The following ROBO1 variants were observed in gnomAD, a reference collection of about 807,000 sequenced individuals.
The protein encoded by ROBO1 is roundabout guidance receptor 1.
Under a neutral mutation model 195.9 loss-of-function variants are expected in ROBO1, and 149 were observed. The ratio of observed to expected loss-of-function variants is 0.76; its 90% confidence interval spans 0.67 to 0.87. The LOEUF is 0.87. Among genes scored for constraint, ROBO1 ranks in the 40% least tolerant of loss-of-function variants. ROBO1 has a pLI of 0.00. For missense variants in ROBO1, 1,933 were observed against 2,068.3 expected (o/e 0.93, Z 1.27); for synonymous variants, 816 against 733.2 (o/e 1.11, Z -1.82).
chr3:79,405,664 G>T (rs935779691), intron 2 of ROBO1, among the ~76,000 whole-genome samples: 1 of 152,052 alleles, frequency 6.6e-6, no homozygotes, highest in South Asian at 2.1e-4. Context: ...GATAAAAAAG[G>T]GATGAGAAAT....
chr3:78,813,907 G>A (rs17016541), intron 4 of ROBO1, among the ~76,000 whole-genome samples: 3,031 of 152,090 alleles, frequency 0.02, 100 homozygotes, highest in African/African-American at 0.067. Flanking sequence ...ATCTTGTCCT[G>A]TGAGAGTGGA....
intron 27 of ROBO1, 77 bp downstream of exon 27, chr3:78,617,558 T>G: frequency 7.0e-7 from 1 of 1,425,844 alleles, no homozygotes; most frequent in Non-Finnish European, 9.5e-7. Context: ...GGACGTAAGA[T>G]CATAGGACAG....
chr3:78,945,227 T>C (rs2040362470), intron 3 of ROBO1, among the ~76,000 whole-genome samples: 2 of 152,164 alleles, frequency 1.3e-5, no homozygotes, highest in Admixed American at 1.3e-4. Flanking sequence ...CCTCCTCAAG[T>C]GGGTCCCTGA....
chr3:79,649,430 C>T (rs529442294), intron 1 of ROBO1, among the ~76,000 whole-genome samples: 1 of 152,044 alleles, frequency 6.6e-6, no homozygotes, highest in South Asian at 2.1e-4. Context: ...CATTTATAGA[C>T]TACATTTTCT....
In ROBO1 at chr3:78,945,976, A is replaced by T. The variant is rs567008113; in HGVS notation, c.173-7049T>A. Among the ~76,000 whole-genome samples the T allele has an allele frequency of 1.5e-3, 230 of 152,204 alleles. 2 individuals are homozygous for T. Among genetic ancestry groups the T allele is most frequent in the Middle Eastern group, 3.4e-3 (1 of 294 alleles). ...AGAAGAGAAGTTTAGAGAAAAAAAA[A>T]AAATAAAAAGAAATCAACAAAGCCT... is the stretch of plus-strand genomic sequence containing the variant. On this transcript the variant is annotated intron_variant, in intron 3 of 30. Coordinates refer to ENST00000464233, the MANE Select transcript of ROBO1 (RefSeq NM_002941.4).
chr3:79,176,888 T>C (rs535757321), intron 2 of ROBO1, among the ~76,000 whole-genome samples: 5 of 152,332 alleles, frequency 3.3e-5, no homozygotes, highest in Admixed American at 2.0e-4. Context: ...TTATTAAATG[T>C]AAACCTCATA....
chr3:79,255,052 A>G (rs1467473464), intron 2 of ROBO1, among the ~76,000 whole-genome samples: 1 of 152,202 alleles, frequency 6.6e-6, no homozygotes, highest in African/African-American at 2.4e-5. Flanking sequence ...AGTCTTCCGC[A>G]TTTGCTGGGT....
chr3:78,677,901 C>T (rs1708539011), intron 10 of ROBO1, among the ~76,000 whole-genome samples: 1 of 151,540 alleles, frequency 6.6e-6, no homozygotes, highest in African/African-American at 2.4e-5. Flanking sequence ...ACACCTATTC[C>T]AAAATTGACC....
intron 3 of ROBO1, among the ~76,000 whole-genome samples, chr3:78,973,005 G>A (rs1329620262): frequency 6.6e-6 from 1 of 152,134 alleles, no homozygotes; most frequent in Admixed American, 6.5e-5. Flanking sequence ...AAGAAGCAGA[G>A]AAAAGAGAAC....
intron 4 of ROBO1, among the ~76,000 whole-genome samples, chr3:78,792,832 G>T (rs1218806171): frequency 6.6e-6 from 1 of 152,044 alleles, no homozygotes; most frequent in East Asian, 1.9e-4. Context: ...AGACACAGTG[G>T]CTCATGCCTG....
At position 78,668,043 on chromosome 3, in the gene ROBO1, T is replaced by A. The variant is rs749896338; in HGVS notation, c.1806A>T (p.Ala602=). 3 of 1,613,594 alleles carry A rather than the reference T, an allele frequency of 1.9e-6. No individual in the cohort carries two copies. Among genetic ancestry groups the A allele is most frequent in the Non-Finnish European group, 2.5e-6 (3 of 1,179,678 alleles). ...TSYIIEAFSH[A]SGSSWQTVAE... ...CTACGGTCTGCCAGCTGCTACCAGA[T>A]GCATGGCTAAGGATAGACACACAGG... Residue 602 remains alanine, a synonymous_variant, in exon 14 of 31, where the codon GCA becomes GCT. Coordinates refer to ENST00000464233, the MANE Select transcript of ROBO1 (RefSeq NM_002941.4).
chr3:79,511,020 C>A (rs897087956), intron 2 of ROBO1, among the ~76,000 whole-genome samples: 11 of 151,988 alleles, frequency 7.2e-5, no homozygotes, highest in African/African-American at 1.2e-4. Flanking sequence ...TTTTTAATTT[C>A]ACAAATTTGT....
intron 2 of ROBO1, among the ~76,000 whole-genome samples, chr3:79,369,933 T>C (rs2036128207): frequency 6.6e-6 from 1 of 152,196 alleles, no homozygotes; most frequent in South Asian, 2.1e-4. Context: ...GAGAAACATT[T>C]TAAGACCTGA....
chr3:79,702,056 G>T (rs1227723444), intron 1 of ROBO1, among the ~76,000 whole-genome samples: 1 of 139,910 alleles, frequency 7.1e-6, no homozygotes, highest in East Asian at 1.9e-4. Context: ...ATGTACAACT[G>T]AGTTATATTG....
chr3:78,936,372 C>T (rs926032994), intron 4 of ROBO1, among the ~76,000 whole-genome samples: 1 of 151,878 alleles, frequency 6.6e-6, no homozygotes, highest in East Asian at 1.9e-4. Context: ...AGACACTTTT[C>T]GTTAATGTTT....
intron 2 of ROBO1, among the ~76,000 whole-genome samples, chr3:79,161,066 C>CA (rs1429281025): frequency 1.3e-5 from 2 of 151,870 alleles, no homozygotes; most frequent in Non-Finnish European, 2.9e-5. Context: ...TTTTGGTAAT[C>CA]AAAATAGGAA....
intron 3 of ROBO1, among the ~76,000 whole-genome samples, chr3:79,056,990 C>A (rs988996361): frequency 8.5e-5 from 13 of 152,144 alleles, no homozygotes; most frequent in Admixed American, 8.5e-4. Flanking sequence ...AAGTTCAAGC[C>A]GCCTTTCAAC....
chr3:79,011,566 G>A lies in ROBO1; in HGVS notation c.173-72639C>T, dbSNP rs984857505. On this transcript the variant is annotated intron_variant, in intron 3 of 30. Transcript: ENST00000464233. ...AATAACATAAAAGGGCTTCAATCAC[G>A]TTAGTGCAGAGAAGCTAAAATCTAG... 3.3e-5 allele frequency among the ~76,000 whole-genome samples: 5 copies of A among 151,716 alleles called. No individual in the cohort carries two copies. The East Asian group carries it at 7.8e-4, about 24-fold the overall frequency.
chr3:78,950,007 A>G (rs971370222), intron 3 of ROBO1, among the ~76,000 whole-genome samples: 4 of 152,120 alleles, frequency 2.6e-5, no homozygotes, highest in African/African-American at 9.7e-5. Context: ...AAAGTCAGGA[A>G]ACAACAGGTG....
Sources: allele counts gnomAD v4.1 joint callset (sites outside exome capture counted in the v4.1 genomes callset), GRCh38; gene constraint gnomAD v4.1.1; transcripts MANE v1.5; gene names NCBI Gene and HGNC (gene_info 2026-07-23, HGNC 2026-07-21).